The following LAMB1 variants were observed in gnomAD, a reference collection of about 807,000 sequenced individuals.
The protein encoded by LAMB1 is laminin subunit beta-1.
A neutral mutation model predicts 222.3 loss-of-function variants in LAMB1; 121 were observed. The observed-to-expected ratio is 0.54, with a 90% CI of 0.47 to 0.63. LAMB1 has a LOEUF of 0.63. LAMB1 is among the 30% of genes least tolerant of loss of function. The probability of loss-of-function intolerance (pLI) is 0.00; values close to 1 mark genes in which losing one functional copy is unlikely to be tolerated. For synonymous variants in LAMB1, 794 were observed against 807.2 expected (o/e 0.98, Z 0.28); for missense variants, 2,172 against 2,240.8 (o/e 0.97, Z 0.62).
At chr7:107,985,750 G>A (rs1001491269) in intron 7 of LAMB1, among the ~76,000 whole-genome samples, 1 of 152,064 alleles carries the variant, frequency 6.6e-6, no homozygotes, top group Non-Finnish European at 1.5e-5. Context: ...CCGAGGTTGG[G>A]AGTTCAAGAC....
At chr7:107,999,306 AAAC>A (rs2034338801) in intron 3 of LAMB1, among the ~76,000 whole-genome samples, 2 of 152,234 alleles carry the variant, frequency 1.3e-5, no homozygotes, top group Non-Finnish European at 2.9e-5. Flanking sequence ...GGCAAATCAT[AAAC>A]AACAGAGCTT....
At chr7:107,931,176 T>C (rs747314315) in intron 29 of LAMB1, among the ~76,000 whole-genome samples, 180 bp downstream of exon 29, 1 of 152,140 alleles carries the variant, frequency 6.6e-6, no homozygotes, top group Admixed American at 6.5e-5. Flanking sequence ...CTGCGTAACA[T>C]TGGAGAAAGT....
chr7:107,931,004 T>C (rs2032695657), intron 29 of LAMB1, among the ~76,000 whole-genome samples: 2 of 152,106 alleles, frequency 1.3e-5, no homozygotes, highest in African/African-American at 4.8e-5. Context: ...CTGTAAATAA[T>C]AGAATTACAA....
intron 12 of LAMB1, 28 bp from the exon 13 acceptor site, chr7:107,973,099 C>T (rs779220949): frequency 5.5e-5 from 87 of 1,584,692 alleles, no homozygotes; most frequent in East Asian, 8.9e-5. Context: ...AAACATGTAA[C>T]GGTAGGTTTC....
Position 107,975,258 on chromosome 7 carries a change from T to C in LAMB1, c.1345A>G (p.Ser449Gly). The change falls in exon 11 of 34, where the codon AGT becomes GGT. Residue 449 changes from serine to glycine, a missense_variant. Transcript: ENST00000222399. ...VCKEGFYDLS[S>G]EDPFGCKSCA... ...CATTTACAACCAAATGGATCTTCAC[T>C]GCTTAAATCATAGAAGCCTTCTTTG... 6.2e-7 allele frequency: 1 copy of C among 1,613,830 alleles called. No individual in the cohort carries two copies. Among genetic ancestry groups the C allele is most frequent in the East Asian group, 2.2e-5 (1 of 44,886 alleles).
At chr7:107,968,232 C>G (rs2033672940) in intron 13 of LAMB1, among the ~76,000 whole-genome samples, 1 of 152,196 alleles carries the variant, frequency 6.6e-6, no homozygotes, top group Non-Finnish European at 1.5e-5. Flanking sequence ...CATGTAATTA[C>G]TCTCTCCTGT....
At chr7:107,991,259 G>A (rs1584538097) in intron 5 of LAMB1, among the ~76,000 whole-genome samples, 2 of 152,078 alleles carry the variant, frequency 1.3e-5, no homozygotes. Flanking sequence ...GCAAATTTTG[G>A]CAAGAAATGA....
In LAMB1 at chr7:107,975,058, A is replaced by G. The variant is rs962289497; in HGVS notation, c.1410T>C (p.Asn470=). ...CNPLGTIPGG[N]PCDSETGHCY... Reference sequence around the variant, plus strand: ...AGTGACCTGTCTCGGAATCACAAGGATTCCCTCCAGGAATTGTTCCCAGAG... The same window carrying G: ...AGTGACCTGTCTCGGAATCACAAGGGTTCCCTCCAGGAATTGTTCCCAGAG... The change falls in exon 12 of 34, where the codon AAT becomes AAC. Residue 470 remains asparagine (N), a synonymous_variant. Transcript: ENST00000222399. 1 of 1,613,480 alleles carries G rather than the reference A, an allele frequency of 6.2e-7. No individual in the cohort carries two copies. The highest frequency in any genetic ancestry group is 8.5e-7 in the Non-Finnish European group (1 of 1,179,462).
At chr7:107,987,974 G>C (rs2034111238) in intron 5 of LAMB1, among the ~76,000 whole-genome samples, 1 of 152,224 alleles carries the variant, frequency 6.6e-6, no homozygotes, top group South Asian at 2.1e-4. Flanking sequence ...GAAATGATCA[G>C]ATTGCACTTT....
intron 4 of LAMB1, among the ~76,000 whole-genome samples, chr7:107,995,248 G>A (rs2034261362): frequency 6.6e-6 from 1 of 152,170 alleles, no homozygotes; most frequent in South Asian, 2.1e-4. Flanking sequence ...CTGCTGTCAA[G>A]AAAGACATCC....
At chr7:107,945,432 G>A (rs572473294) in intron 24 of LAMB1, among the ~76,000 whole-genome samples, 5 of 152,272 alleles carry the variant, frequency 3.3e-5, no homozygotes, top group South Asian at 2.1e-4. Context: ...GCCCAGCACC[G>A]AAGGCTTCAC....
At chr7:107,964,791 C>CAT (rs2033594679) in intron 13 of LAMB1, 104 bp from the exon 14 acceptor site, 6 of 1,237,244 alleles carry the variant, frequency 4.8e-6, no homozygotes, top group Non-Finnish European at 6.8e-6. Context: ...GGACCAAATA[C>CAT]ATAGCATGTT....
intron 9 of LAMB1, 30 bp downstream of exon 9, chr7:107,978,017 A>T: frequency 6.2e-7 from 1 of 1,613,784 alleles, no homozygotes; most frequent in Non-Finnish European, 8.5e-7. Context: ...GCCTGAATGG[A>T]TTTAAAATGT....
rs1200247266 is a variant in LAMB1 at position 107,935,432 on chromosome 7, A to G, written c.4171T>C (p.Ser1391Pro). Residue 1391 changes from serine (S) to proline (P), a missense_variant, in exon 27 of 34, where the codon TCA (serine) becomes CCA (proline). Ser to Pro is a moderately conservative substitution (Grantham distance 74). Transcript: ENST00000222399. ...AACCTTACCATTTCGGCAGCGGCTG[A>G]AAGGTCTAGGCTTTGTAGCTTGCCT... ...LAGKLQSLDL[S>P]AAAEMTCGTP... 1 of 1,591,888 alleles carries G rather than the reference A, an allele frequency of 6.3e-7. No homozygotes were observed.
At chr7:107,963,870 G>A (rs34543075) in intron 14 of LAMB1, among the ~76,000 whole-genome samples, 4,326 of 152,296 alleles carry the variant, frequency 0.028, 90 homozygotes, top group Non-Finnish European at 0.043. Context: ...AGGCCAAGGC[G>A]GGCGGATCAC....
At chr7:107,991,588 CAAA>C (rs985284673) in intron 5 of LAMB1, among the ~76,000 whole-genome samples, 5 of 119,582 alleles carry the variant, frequency 4.2e-5, no homozygotes, top group Non-Finnish European at 3.6e-5. Context: ...ACTCCATCCT[CAAA>C]AAAAAAAAAA....
In LAMB1 at chr7:107,950,923, GGTGTGTGTGTGTGTGT is replaced by G. The variant is rs57060477; in HGVS notation, c.3391+287_3391+302del. 7.4e-5 allele frequency among the ~76,000 whole-genome samples: 11 copies of G among 147,750 alleles called. No individual in the cohort carries two copies. The East Asian group carries it at 7.9e-4, about 11-fold the overall frequency. ...AAAAAGCAGCTCTGTGTGTATTTGT[GGTGTGTGTGTGTGTGT>G]GTGTGTGTGTGTGTGTGTGTGTGCT... On this transcript the variant is annotated intron_variant, in intron 24 of 33. Coordinates refer to ENST00000222399, the MANE Select transcript of LAMB1 (RefSeq NM_002291.3).
Position 107,953,748 on chromosome 7 carries a change from C to G in LAMB1, c.2861G>C (p.Arg954Thr), listed in dbSNP as rs1409016271. 1 of 1,613,992 alleles carries G rather than the reference C, an allele frequency of 6.2e-7. No homozygotes were observed. Among genetic ancestry groups the G allele is most frequent in the Non-Finnish European group, 8.5e-7 (1 of 1,179,970 alleles). ...GTATCCTGAGGCACAGTCGTCACAT[C>G]TGGAACCTGTCACCCGATAAAACCA... ...CVCDPGYIGS[R>T]CDDCASGYFG... is the part of the protein sequence containing the mutation. Residue 954 changes from arginine (R) to threonine (T), a missense_variant, in exon 22 of 34, where the codon AGA becomes ACA. By Grantham distance (71) the Arg-to-Thr change is moderately conservative. Coordinates refer to ENST00000222399, the MANE Select transcript of LAMB1 (RefSeq NM_002291.3).
intron 13 of LAMB1, among the ~76,000 whole-genome samples, chr7:107,966,995 T>G (rs571760194): frequency 6.6e-6 from 1 of 152,192 alleles, no homozygotes; most frequent in Non-Finnish European, 1.5e-5. Flanking sequence ...GGCTTTCCTA[T>G]GCAGATGGCC....
Sources: allele counts gnomAD v4.1 joint callset (sites outside exome capture counted in the v4.1 genomes callset), GRCh38; gene constraint gnomAD v4.1.1; transcripts MANE v1.5; gene names NCBI Gene and HGNC (gene_info 2026-07-23, HGNC 2026-07-21).